Variants in RALGAPA2 observed in about 807,000 individuals in gnomAD.
RALGAPA2 encodes the protein ral GTPase-activating protein subunit alpha-2.
Under a neutral mutation model 230.4 loss-of-function variants are expected in RALGAPA2, and 139 were observed. The observed-to-expected ratio is 0.60, with a 90% confidence interval of 0.53 to 0.69. The LOEUF is 0.69. Ranked by LOEUF, RALGAPA2 falls within the 30% of genes least tolerant of loss-of-function variation. The probability of loss-of-function intolerance (pLI) is 0.00; values close to 1 mark genes in which losing one functional copy is unlikely to be tolerated. For missense variants in RALGAPA2, 2,163 were observed against 2,276.0 expected, an observed-to-expected ratio of 0.95 and a Z score of 1.01; for synonymous variants, 847 against 837.8, an observed-to-expected ratio of 1.01 and a Z score of -0.19.
chr20:20,404,721 C>T (rs1377564953), intron 38 of RALGAPA2, among the ~76,000 whole-genome samples: 7 of 152,220 alleles, frequency 4.6e-5, no homozygotes, highest in East Asian at 1.9e-4. Flanking sequence ...ACTGCTAAAG[C>T]GTCCCCTGAG....
chr20:20,450,256 A>T (rs1423401135), intron 37 of RALGAPA2, among the ~76,000 whole-genome samples: 2 of 152,336 alleles, frequency 1.3e-5, no homozygotes, highest in African/African-American at 4.8e-5. Context: ...TCTAAGTGGG[A>T]TATGCCAGTA....
chr20:20,425,622 A>C (rs2060366650), intron 37 of RALGAPA2, among the ~76,000 whole-genome samples: 2 of 152,224 alleles, frequency 1.3e-5, no homozygotes, highest in Admixed American at 6.5e-5. Flanking sequence ...ATGAGGAAAG[A>C]AGCTGATGTG....
At chr20:20,551,540 T>C (rs963901633) in intron 23 of RALGAPA2, among the ~76,000 whole-genome samples, 17 of 152,354 alleles carry the variant, frequency 1.1e-4, no homozygotes, top group Non-Finnish European at 2.5e-4. Context: ...AGAAAGTAAC[T>C]GGTGAGAACA....
chr20:20,615,069 G>A (rs1395463850), intron 13 of RALGAPA2, among the ~76,000 whole-genome samples: 2 of 152,130 alleles, frequency 1.3e-5, no homozygotes, highest in Non-Finnish European at 2.9e-5. Flanking sequence ...ATGACACATG[G>A]AGAAGAGGAA....
At chr20:20,407,477 G>A (rs1014582817) in intron 38 of RALGAPA2, among the ~76,000 whole-genome samples, 26 of 152,224 alleles carry the variant, frequency 1.7e-4, no homozygotes, top group Admixed American at 5.2e-4. Flanking sequence ...GCGGAATGAC[G>A]AGCTGCATAT....
chr20:20,521,145 G>A (rs982612510), intron 30 of RALGAPA2, 45 bp from the exon 31 acceptor site: 22 of 1,493,884 alleles, frequency 1.5e-5, no homozygotes, highest in Middle Eastern at 2.4e-4. Flanking sequence ...TACTCACCGC[G>A]TGTCCCCTGA....
At chr20:20,420,413 A>C (rs2060252298) in intron 37 of RALGAPA2, among the ~76,000 whole-genome samples, 1 of 152,182 alleles carries the variant, frequency 6.6e-6, no homozygotes, top group South Asian at 2.1e-4. Flanking sequence ...CAAATATTTC[A>C]ATACCTTACT....
In RALGAPA2 at chr20:20,398,876, T is replaced by G. The variant is rs2122644005; in HGVS notation, c.5618-2142A>C. 6.6e-6 allele frequency among the ~76,000 whole-genome samples: 1 copy of G among 152,278 alleles called. No individual in the cohort carries two copies. ...AGAAAAGTTACAGCATGCAGTCTAA[T>G]GAGGGGATATCACCCCTTGGGGTGG... On this transcript the variant is annotated intron_variant, in intron 38 of 39. Transcript: ENST00000202677. The surrounding 1 kb of genome is among the most constrained non-coding windows in gnomAD (Gnocchi z 4.5).
At chr20:20,505,634 A>C in intron 33 of RALGAPA2, 100 bp from the exon 34 acceptor site, 1 of 1,046,678 alleles carries the variant, frequency 9.6e-7, no homozygotes, top group Non-Finnish European at 1.3e-6. Context: ...CTGAGCTTAC[A>C]TTTACTGAGA....
Position 20,591,310 on chromosome 20 carries a change from C to T in RALGAPA2, c.2208G>A (p.Val736=), listed in dbSNP as rs754323826. The change falls in exon 17 of 40, where the codon GTG becomes GTA. Residue 736 remains valine, a synonymous_variant. Transcript: ENST00000202677. ...RNIVRQKATE[V]EECQQSENAP... ...CATTTTCTGACTGTTGACACTCCTC[C>T]ACTTCTGTGAGCATTAACAAAACAT... The T allele has an allele frequency of 3.0e-5, 49 of 1,613,328 alleles. No homozygotes were observed. Among genetic ancestry groups the T allele is most frequent in the Non-Finnish European group, 4.1e-5 (48 of 1,179,486 alleles).
intron 1 of RALGAPA2, among the ~76,000 whole-genome samples, chr20:20,682,993 G>C (rs915981260): frequency 2.0e-5 from 3 of 152,078 alleles, no homozygotes; most frequent in African/African-American, 7.2e-5. Context: ...GGTCTTAAAG[G>C]CCTCTCAAAT....
At chr20:20,617,129 G>A (rs118102836) in intron 12 of RALGAPA2, among the ~76,000 whole-genome samples, 3,093 of 152,292 alleles carry the variant, frequency 0.02, 50 homozygotes, top group South Asian at 0.053. Flanking sequence ...GAGGTATATT[G>A]CCTCTTAGGT....
At chr20:20,593,430 C>T (rs915958153) in intron 16 of RALGAPA2, among the ~76,000 whole-genome samples, 1 of 152,268 alleles carries the variant, frequency 6.6e-6, no homozygotes, top group Non-Finnish European at 1.5e-5. Context: ...CTACGTCCTT[C>T]TCACAGATCT....
At chr20:20,498,842 C>T (rs1286596446) in intron 35 of RALGAPA2, among the ~76,000 whole-genome samples, 1 of 152,188 alleles carries the variant, frequency 6.6e-6, no homozygotes, top group Non-Finnish European at 1.5e-5. Context: ...CAATTATAGT[C>T]CTGGAGTCAA....
At chr20:20,446,314 T>A (rs2060861197) in intron 37 of RALGAPA2, among the ~76,000 whole-genome samples, 1 of 152,240 alleles carries the variant, frequency 6.6e-6, no homozygotes, top group South Asian at 2.1e-4. Context: ...ACATTCTGAA[T>A]ATATTATAAA....
In RALGAPA2 at chr20:20,505,392, A is replaced by G. The variant is rs2062502016; in HGVS notation, c.5052+19T>C. The G allele has an allele frequency of 1.3e-6, 2 of 1,586,266 alleles. No homozygotes were observed. The highest frequency in any genetic ancestry group is 4.5e-5 in the East Asian group (2 of 44,286). On this transcript the variant is annotated intron_variant, in intron 34 of 39. Coordinates refer to ENST00000202677, the MANE Select transcript of RALGAPA2 (RefSeq NM_020343.4). ...AAACAGTGCTGGTCAATAAACACCT[A>G]CTGAATGAAATGCATTACCTCCCAT...
At chr20:20,634,630 G>T (rs2066795280) in intron 9 of RALGAPA2, among the ~76,000 whole-genome samples, 1 of 152,176 alleles carries the variant, frequency 6.6e-6, no homozygotes, top group African/African-American at 2.4e-5. Flanking sequence ...GCCTAGGTCG[G>T]AGTTCTGAGA....
At position 20,390,708 on chromosome 20, in the gene RALGAPA2, G is replaced by T. The variant is rs550293664; in HGVS notation, c.*2581C>A. 1 of 128,100 alleles carries T rather than the reference G, an allele frequency of 7.8e-6. No individual in the cohort carries two copies. The highest frequency in any genetic ancestry group is 1.6e-5 in the Non-Finnish European group (1 of 63,968). 7.9% of individuals were successfully genotyped at this position (128,100 alleles called of 1,614,324 possible). ...TTCTAAGTAAAAAAAAAATAAAAAAGAAACTTGATCATTGCAATTTTCCAC... is the reference window on the plus strand; with the variant it reads ...TTCTAAGTAAAAAAAAAATAAAAAATAAACTTGATCATTGCAATTTTCCAC... On this transcript the variant is annotated 3_prime_UTR_variant, in exon 40 of 40. Coordinates refer to ENST00000202677, the MANE Select transcript of RALGAPA2 (RefSeq NM_020343.4).
intron 36 of RALGAPA2, among the ~76,000 whole-genome samples, chr20:20,473,558 T>C (rs1272507547): frequency 3.9e-5 from 6 of 152,124 alleles, no homozygotes; most frequent in African/African-American, 7.2e-5. Context: ...TCATAGCCCA[T>C]TGCAGCCTGG....
Sources: allele counts gnomAD v4.1 joint callset (sites outside exome capture counted in the v4.1 genomes callset), GRCh38; gene constraint gnomAD v4.1.1; non-coding constraint Gnocchi (gnomAD v3.1); transcripts MANE v1.5; gene names NCBI Gene and HGNC (gene_info 2026-07-23, HGNC 2026-07-21).